GPR179: variants seen among roughly 807,000 people sequenced by gnomAD.
GPR179 encodes G protein-coupled receptor 179, also known as probable G protein-coupled receptor 179.
GPR179 carries 52 observed loss-of-function variants against 70.8 expected under a neutral mutation model. That is an observed-to-expected ratio of 0.73 (90% confidence interval 0.59 to 0.93). The LOEUF (loss-of-function observed/expected upper bound fraction) is 0.93. Ranked by LOEUF, GPR179 falls within the 40% of genes least tolerant of loss-of-function variation. The pLI, the probability that GPR179 is intolerant of heterozygous loss-of-function variation, is 0.00. For missense variants in GPR179, 2,734 were observed against 2,966.8 expected (o/e 0.92, Z 1.82); for synonymous variants, 1,123 against 1,169.0 (o/e 0.96, Z 0.80).
rs2037433757 is a variant in GPR179, at chr17:38,339,618, CG to C, written c.795-94del. The C allele has an allele frequency of 1.6e-5, 14 of 858,298 alleles. 1 individual carries two copies. The South Asian group carries it at 1.9e-4, about 12-fold the overall frequency. The allele number at this position is 858,298 out of a possible 1,614,324, so 53.2% of individuals were successfully genotyped here. On this transcript the variant is annotated intron_variant, in intron 1 of 10. Coordinates refer to ENST00000616987, the MANE Select transcript of GPR179 (RefSeq NM_001004334.4). ...TTGTTGGGGCCCAGAAAATGATGCT[CG>C]GAATTATGGCACTTTGGCATGCTGA...
rs768840768 is a variant in GPR179, at chr17:38,343,203, G to A, written c.587C>T (p.Ala196Val). 1.9e-6 allele frequency: 3 copies of A among 1,613,980 alleles called. No individual in the cohort carries two copies. The highest frequency in any genetic ancestry group is 1.1e-5 in the South Asian group (1 of 91,086). ...ENPPGDLDTP[A>V]LKKRVLTNDL... ...ATTGGTCAACACTCGCTTCTTCAGG[G>A]CAGGGGTGTCCAGGTCCCCAGGAGG... The change falls in exon 1 of 11, where the codon GCC becomes GTC. Residue 196 changes from alanine (A) to valine (V), a missense_variant. Transcript: ENST00000616987. This position sits in a 1 kb window ranked among gnomAD's most constrained non-coding sequence, Gnocchi z 4.2.
chr17:38,343,782 G>T lies in GPR179; in HGVS notation c.8C>A (p.Thr3Asn). 1 of 1,506,584 alleles carries T rather than the reference G, an allele frequency of 6.6e-7. No individual in the cohort carries two copies. Among genetic ancestry groups the T allele is most frequent in the South Asian group, 1.3e-5 (1 of 74,804 alleles). 93.3% of individuals were successfully genotyped at this position (1,506,584 alleles called of 1,614,324 possible). Residue 3 changes from threonine to asparagine, a missense_variant, in exon 1 of 11, where the codon ACC (threonine) becomes AAC (asparagine). Thr to Asn is a moderately conservative substitution (Grantham distance 65). Transcript: ENST00000616987. The surrounding 1 kb of genome is among the most constrained non-coding windows in gnomAD (Gnocchi z 4.2). ...AGGAGGGGGCATGACCGCTCCCCTGGTGCCCATCCTTGGGGCAGCTCTCAG... is the reference window on the plus strand; with the variant it reads ...AGGAGGGGGCATGACCGCTCCCCTGTTGCCCATCCTTGGGGCAGCTCTCAG... MG[T>N]RGAVMPPPMW... is the part of the protein sequence containing the mutation.
chr17:38,337,620 C>T lies in GPR179; in HGVS notation c.991+13G>A, dbSNP rs749177506. 1.6e-5 allele frequency: 25 copies of T among 1,603,538 alleles called. No individual in the cohort carries two copies. Among genetic ancestry groups the T allele is most frequent in the Non-Finnish European group, 2.0e-5 (24 of 1,174,668 alleles). ...TGTAAAACACATGCCTGGCCCCCAC[C>T]ACACTTACATACCCCCAGAGGGGCT... On this transcript the variant is annotated intron_variant, in intron 3 of 10. Transcript: ENST00000616987.
rs1487159157 is a variant in GPR179 at position 38,336,132 on chromosome 17, A to T, written c.1240T>A (p.Ser414Thr). ...RCRRNKRIWASGVVLLETVLF... is the reference protein window; with the variant it reads ...RCRRNKRIWATGVVLLETVLF... ...ACAGTTTCCAGCAGGACCACTCCAG[A>T]TGCCCAGATCCTCTGTGAAGCAAGG... Residue 414 changes from serine (S) to threonine (T), a missense_variant, in exon 5 of 11, where the codon TCT becomes ACT. By Grantham distance (58) the Ser-to-Thr change is moderately conservative. Transcript: ENST00000616987. 3.7e-6 allele frequency: 6 copies of T among 1,612,042 alleles called. No homozygotes were observed. In the African/African-American group the frequency reaches 8.0e-5, roughly 22 times the overall value.
chr17:38,339,638 A>C lies in GPR179; in HGVS notation c.795-113T>G, dbSNP rs1425150532. On this transcript the variant is annotated intron_variant, in intron 1 of 10. Coordinates refer to ENST00000616987, the MANE Select transcript of GPR179 (RefSeq NM_001004334.4). Reference sequence around the variant, plus strand: ...ATGCTCGGAATTATGGCACTTTGGCATGCTGAGGACTTTGAACTAAAGGAG... The same window carrying C: ...ATGCTCGGAATTATGGCACTTTGGCCTGCTGAGGACTTTGAACTAAAGGAG... 4 of 739,032 alleles carry C rather than the reference A, an allele frequency of 5.4e-6. No individual in the cohort carries two copies. The Admixed American group carries it at 6.1e-5, about 11-fold the overall frequency. 45.8% of individuals were successfully genotyped at this position (739,032 alleles called of 1,614,324 possible). A position where few individuals can be genotyped will look rare whatever the true frequency, so the allele number is the denominator to read the frequency against.
At position 38,335,134 on chromosome 17, in the gene GPR179, C is replaced by A; in HGVS notation, c.1544G>T (p.Arg515Leu). 1 of 1,598,392 alleles carries A rather than the reference C, an allele frequency of 6.3e-7. No homozygotes were observed. Among genetic ancestry groups the A allele is most frequent in the East Asian group, 2.3e-5 (1 of 43,934 alleles). ...CACCAGAGGTGCGTGCTGGATGCCTCGCTCCAGGGCGCCCACGGTCCACAC... is the reference window on the plus strand; with the variant it reads ...CACCAGAGGTGCGTGCTGGATGCCTAGCTCCAGGGCGCCCACGGTCCACAC... Reference protein sequence around the residue: ...LAVWTVGALERGIQHAPLVIR... With the variant: ...LAVWTVGALELGIQHAPLVIR... Residue 515 changes from arginine (R) to leucine (L), a missense_variant, in exon 7 of 11, where the codon CGA (arginine) becomes CTA (leucine). Coordinates refer to ENST00000616987, the MANE Select transcript of GPR179 (RefSeq NM_001004334.4).
chr17:38,343,489 T>C lies in GPR179; in HGVS notation c.301A>G (p.Thr101Ala), dbSNP rs752802304. The C allele has an allele frequency of 1.2e-6, 2 of 1,613,846 alleles. No individual in the cohort carries two copies. Among genetic ancestry groups the C allele is most frequent in the Non-Finnish European group, 1.7e-6 (2 of 1,180,012 alleles). ...LPPSLQGAAG[T>A]LAQAANFLNM... ...AGAAAATTGGCGGCCTGGGCAAGGG[T>C]GCCCGCTGCCCCCTGTAGGCTTGGG... Residue 101 changes from threonine to alanine, a missense_variant, in exon 1 of 11, where the codon ACC (threonine) becomes GCC (alanine). Coordinates refer to ENST00000616987, the MANE Select transcript of GPR179 (RefSeq NM_001004334.4). The surrounding 1 kb of genome is among the most constrained non-coding windows in gnomAD (Gnocchi z 4.2).
Position 38,334,913 on chromosome 17 carries a change from G to T in GPR179, c.1646-71C>A. 1 of 1,600,140 alleles carries T rather than the reference G, an allele frequency of 6.2e-7. No individual in the cohort carries two copies. Among genetic ancestry groups the T allele is most frequent in the African/African-American group, 1.3e-5 (1 of 74,810 alleles). On this transcript the variant is annotated intron_variant, in intron 7 of 10. Coordinates refer to ENST00000616987, the MANE Select transcript of GPR179 (RefSeq NM_001004334.4). The surrounding 1 kb of genome is among the most constrained non-coding windows in gnomAD (Gnocchi z 4.7). Reference sequence around the variant, plus strand: ...TGTCCCACCCCTTTCTCTGAAAGATGTGCTGGGGGGAGCCTGGGCTCGGGG... The same window carrying T: ...TGTCCCACCCCTTTCTCTGAAAGATTTGCTGGGGGGAGCCTGGGCTCGGGG...
Position 38,330,242 on chromosome 17 carries a change from C to T in GPR179, c.3327G>A (p.Glu1109=), listed in dbSNP as rs1160694605. 7 of 1,583,634 alleles carry T rather than the reference C, an allele frequency of 4.4e-6. No individual in the cohort carries two copies. The highest frequency in any genetic ancestry group is 1.1e-5 in the South Asian group (1 of 87,310). ...TCCCGCTGTTCTGCCCCTCGGGACTCTCCTCCACACTCTCCTTCTCTCTGT... is the reference window on the plus strand; with the variant it reads ...TCCCGCTGTTCTGCCCCTCGGGACTTTCCTCCACACTCTCCTTCTCTCTGT... The part of the protein sequence containing the change: ...STYREKESVE[E]SPEGQNSGTA... The change falls in exon 11 of 11, where the codon GAG becomes GAA. Residue 1109 remains glutamate (E), a synonymous_variant. Coordinates refer to ENST00000616987, the MANE Select transcript of GPR179 (RefSeq NM_001004334.4).
Position 38,343,328 on chromosome 17 carries a change from T to C in GPR179, c.462A>G (p.Pro154=), listed in dbSNP as rs1332007670. 2 of 1,613,958 alleles carry C rather than the reference T, an allele frequency of 1.2e-6. No homozygotes were observed. Among genetic ancestry groups the C allele is most frequent in the African/African-American group, 2.7e-5 (2 of 74,906 alleles). ...CCAGCTGTAGGTGGCTGGCCCCTGG[T>C]GGAGGGTTAAAGGTCAGCAAAGCCC... ...VYRALLTFNP[P]PGASHLQLAL... is the part of the protein sequence containing the mutation. Residue 154 remains proline (P), a synonymous_variant, in exon 1 of 11, where the codon CCA becomes CCG. Coordinates refer to ENST00000616987, the MANE Select transcript of GPR179 (RefSeq NM_001004334.4). This position sits in a 1 kb window ranked among gnomAD's most constrained non-coding sequence, Gnocchi z 4.2.
chr17:38,339,601 G>T, intron 1 of GPR179, 76 bp from the exon 2 acceptor site: 1 of 1,040,592 alleles, frequency 9.6e-7, no homozygotes. Flanking sequence ...CGTTGTTGGG[G>T]CCCAGAAAAT....
Position 38,327,176 on chromosome 17 carries a change from G to A in GPR179, c.6393C>T (p.Cys2131=), listed in dbSNP as rs377477335. The A allele has an allele frequency of 3.7e-6, 6 of 1,614,180 alleles. No homozygotes were observed. The African/African-American group carries it at 8.0e-5, about 22-fold the overall frequency. ...EAPSAKKAEI[C]PWEAGGGAAE... is the part of the protein sequence containing the mutation. ...CTGCTCCTCCACCCGCCTCCCAAGG[G>A]CAGATCTCTGCTTTCTTGGCAGAGG... The change falls in exon 11 of 11, where the codon TGC becomes TGT. Residue 2131 remains cysteine, a synonymous_variant. Transcript: ENST00000616987.
intron 1 of GPR179, among the ~76,000 whole-genome samples, chr17:38,339,939 G>T (rs2037436147): frequency 6.6e-6 from 1 of 152,202 alleles, no homozygotes. Flanking sequence ...TCATTCCAGA[G>T]GGATCCTGCC....
chr17:38,338,279 C>T (rs2037423124), intron 2 of GPR179, among the ~76,000 whole-genome samples: 2 of 152,364 alleles, frequency 1.3e-5, no homozygotes, highest in Admixed American at 6.5e-5. Context: ...AGCCTTTATT[C>T]CACCTCCTCC....
rs886052897 is a variant in GPR179, at chr17:38,335,609, A to G, written c.1388T>C (p.Ile463Thr). 1.2e-6 allele frequency: 2 copies of G among 1,612,706 alleles called. No homozygotes were observed. The highest frequency in any genetic ancestry group is 2.7e-5 in the African/African-American group (2 of 74,880). Residue 463 changes from isoleucine to threonine, a missense_variant, in exon 6 of 11, where the codon ATC becomes ACC. Coordinates refer to ENST00000616987, the MANE Select transcript of GPR179 (RefSeq NM_001004334.4). ...LLGFAIVYGT[I>T]ILKLYRVLQL... is the part of the protein sequence containing the mutation. ...GCCGTACCTGTAAAGCTTGAGTATG[A>G]TGGTGCCGTAGACGATGGCAAAACC... is the stretch of plus-strand genomic sequence containing the variant.
chr17:38,325,166 C>T lies in GPR179; in HGVS notation c.*1299G>A, dbSNP rs970613263. ...TATGTTTTTCTCCTTCTTCCTTTCC[C>T]TCTGGTATTATCATCTAATCCCAGC... On this transcript the variant is annotated 3_prime_UTR_variant, in exon 11 of 11. Coordinates refer to ENST00000616987, the MANE Select transcript of GPR179 (RefSeq NM_001004334.4). Among the ~76,000 whole-genome samples the T allele has an allele frequency of 1.3e-5, 2 of 152,142 alleles. No individual in the cohort carries two copies. The highest frequency in any genetic ancestry group is 2.4e-5 in the African/African-American group (1 of 41,436).
intron 4 of GPR179, 75 bp from the exon 5 acceptor site, chr17:38,336,219 G>A: frequency 1.0e-6 from 1 of 991,034 alleles, no homozygotes; most frequent in East Asian, 2.4e-5. Flanking sequence ...TATGTGAACG[G>A]TCACTCAGTG....
chr17:38,341,684 G>T (rs2037450031), intron 1 of GPR179, among the ~76,000 whole-genome samples: 1 of 152,200 alleles, frequency 6.6e-6, no homozygotes. Context: ...GGTTGAGGGA[G>T]GAGGTAGTTT....
Position 38,330,945 on chromosome 17 carries a change from G to T in GPR179, c.2624C>A (p.Ala875Asp). ...QAKEREERKK[A>D]KAAMASLVRR... ...CACCAGGCTGGCCATGGCTGCCTTG[G>T]CCTTCTTCCGCTCCTCCCGCTCCTT... The change falls in exon 11 of 11, where the codon GCC (alanine) becomes GAC (aspartate). Residue 875 changes from alanine to aspartate, a missense_variant. Physicochemically the swap from Ala to Asp is moderately radical, Grantham distance 126. Coordinates refer to ENST00000616987, the MANE Select transcript of GPR179 (RefSeq NM_001004334.4). 1 of 1,610,784 alleles carries T rather than the reference G, an allele frequency of 6.2e-7. No homozygotes were observed.
Sources: gnomAD v4.1 joint callset for allele counts (sites outside exome capture counted in the v4.1 genomes callset) on GRCh38, gnomAD v4.1.1 for gene constraint, Gnocchi (gnomAD v3.1) non-coding constraint, MANE v1.5 for transcripts, NCBI Gene and HGNC (gene_info 2026-07-23, HGNC 2026-07-21) for gene names.